Variants in PRDM10 observed in about 807,000 individuals in gnomAD.
PRDM10 encodes PR/SET domain 10.
Under a neutral mutation model 133.1 loss-of-function variants are expected in PRDM10, and 65 were observed. The ratio of observed to expected loss-of-function variants is 0.49; its 90% confidence interval spans 0.40 to 0.60. PRDM10 has a LOEUF of 0.60. Ranked by LOEUF, PRDM10 falls within the 20% of genes least tolerant of loss-of-function variation. The pLI, the probability that PRDM10 is intolerant of heterozygous loss-of-function variation, is 0.00. For synonymous variants in PRDM10, 582 were observed against 580.4 expected, an observed-to-expected ratio of 1.00 and a Z score of -0.04; for missense variants, 1,137 against 1,507.1, an observed-to-expected ratio of 0.75 and a Z score of 4.07.
At position 129,955,444 on chromosome 11, in the gene PRDM10, G is replaced by A. The variant is rs148249427; in HGVS notation, c.294+68C>T. On this transcript the variant is annotated intron_variant, in intron 4 of 20. Transcript: ENST00000360871. ...ATCCAGAGATGGTGCAGTGCAAAGG[G>A]ATGGGGCATTCCAGGCGCAGTGGCA... 2.2e-5 allele frequency: 33 copies of A among 1,470,996 alleles called. No individual in the cohort carries two copies. The East Asian group carries it at 7.3e-4, about 32-fold the overall frequency. The allele number at this position is 1,470,996 out of a possible 1,614,324, so 91.1% of individuals were successfully genotyped here.
intron 18 of PRDM10, 63 bp from the exon 19 acceptor site, chr11:129,910,719 A>C: frequency 4.5e-6 from 6 of 1,332,044 alleles, no homozygotes; most frequent in Non-Finnish European, 6.1e-6. Context: ...AAGACTCACA[A>C]ATAACTGAAG....
chr11:129,957,822 GC>G lies in PRDM10; in HGVS notation c.157del (p.Ala53GlnfsTer35). On this transcript the variant is annotated frameshift_variant, in exon 3 of 21. Transcript: ENST00000360871. LOFTEE classifies it high-confidence loss of function. ...VRPPQQVVYT[A>X]DGASYTSVDG... Reference sequence around the variant, plus strand: ...CACTGATGTGTAGGAGGCACCATCTGCCGTGTACACCACCTGCTGTGGGGGG... The same window carrying G: ...CACTGATGTGTAGGAGGCACCATCTGCGTGTACACCACCTGCTGTGGGGGG... 6.2e-7 allele frequency: 1 copy of G among 1,614,222 alleles called. No individual in the cohort carries two copies. Among genetic ancestry groups the G allele is most frequent in the Non-Finnish European group, 8.5e-7 (1 of 1,180,034 alleles).
chr11:129,977,152 C>T (rs893298063), intron 1 of PRDM10, among the ~76,000 whole-genome samples: 14 of 152,048 alleles, frequency 9.2e-5, no homozygotes, highest in African/African-American at 3.1e-4. Context: ...CAGCCTGAGT[C>T]CCTCCAGCAG....
intron 13 of PRDM10, among the ~76,000 whole-genome samples, chr11:129,921,783 GA>G (rs1305986661): frequency 5.9e-5 from 9 of 152,178 alleles, no homozygotes; most frequent in Non-Finnish European, 1.3e-4. Context: ...TGCTGCTCTA[GA>G]CGGTGTCATG....
In PRDM10 at chr11:129,948,016, C is replaced by G. The variant is rs1263966806; in HGVS notation, c.295-646G>C. 8.8e-6 allele frequency: 4 copies of G among 455,896 alleles called. No individual in the cohort carries two copies. In the Admixed American group the frequency reaches 9.5e-5, roughly 11 times the overall value. The allele number at this position is 455,896 out of a possible 1,614,324, so 28.2% of individuals were successfully genotyped here. A position where few individuals can be genotyped will look rare whatever the true frequency, so the allele number is the denominator to read the frequency against. ...TAACAAAGTTCCATAGCTCACAGCT[C>G]TCCTTTTAAACAGCTCAGGCAGGCT... is the stretch of plus-strand genomic sequence containing the variant. On this transcript the variant is annotated intron_variant, in intron 4 of 20. Transcript: ENST00000360871.
chr11:129,923,929 A>C lies in PRDM10; in HGVS notation c.1879-526T>G, dbSNP rs902739072. Among the ~76,000 whole-genome samples the C allele has an allele frequency of 1.3e-5, 2 of 152,246 alleles. No homozygotes were observed. Among genetic ancestry groups the C allele is most frequent in the African/African-American group, 2.4e-5 (1 of 41,462 alleles). ...AAGAATTAAAGACATGAATGAGTGGATACAGAAGACATTACCGGTTTGTGA... is the reference window on the plus strand; with the variant it reads ...AAGAATTAAAGACATGAATGAGTGGCTACAGAAGACATTACCGGTTTGTGA... On this transcript the variant is annotated intron_variant, in intron 12 of 20. Transcript: ENST00000360871. This position sits in a 1 kb window ranked among gnomAD's most constrained non-coding sequence, Gnocchi z 4.4.
chr11:129,999,202 TAATGCTAGAACAGCG>T (rs999277335), intron 1 of PRDM10, among the ~76,000 whole-genome samples: 1 of 152,174 alleles, frequency 6.6e-6, no homozygotes, highest in Admixed American at 6.5e-5. Context: ...GTGAACAGTT[TAATGCTAGAACAGCG>T]AAGAGATAAG....
At chr11:129,973,357 A>G (rs866222127) in intron 1 of PRDM10, among the ~76,000 whole-genome samples, 8 of 152,356 alleles carry the variant, frequency 5.3e-5, no homozygotes, top group Middle Eastern at 3.4e-3. Context: ...GACCTGCATA[A>G]CTGAGCTAAG....
intron 1 of PRDM10, among the ~76,000 whole-genome samples, chr11:129,968,991 G>A (rs1357845124): frequency 6.6e-6 from 1 of 152,166 alleles, no homozygotes; most frequent in African/African-American, 2.4e-5. Flanking sequence ...TGGGTAGGGT[G>A]TAAATAGCAG....
Position 129,932,237 on chromosome 11 carries a change from G to A in PRDM10, c.1158-6C>T. On this transcript the variant is annotated splice_polypyrimidine_tract_variant and splice_region_variant and intron_variant, in intron 9 of 20. Transcript: ENST00000360871. ...CCCTTCCTCTGCCTCTTGTTCTGGGGACAAGAGATTGGGTTACAGGTCGTC... is the reference window on the plus strand; with the variant it reads ...CCCTTCCTCTGCCTCTTGTTCTGGGAACAAGAGATTGGGTTACAGGTCGTC... The A allele has an allele frequency of 6.2e-7, 1 of 1,613,558 alleles. No individual in the cohort carries two copies. Among genetic ancestry groups the A allele is most frequent in the Non-Finnish European group, 8.5e-7 (1 of 1,179,602 alleles).
chr11:129,972,182 C>G (rs1000002878), intron 1 of PRDM10, among the ~76,000 whole-genome samples: 3 of 152,208 alleles, frequency 2.0e-5, no homozygotes, highest in African/African-American at 7.2e-5. Context: ...CGCGCAGCCC[C>G]GGTTACAGCT....
intron 8 of PRDM10, 141 bp from the exon 9 acceptor site, chr11:129,935,359 G>A: frequency 1.6e-6 from 1 of 613,710 alleles, no homozygotes. Flanking sequence ...TTGCATTACT[G>A]TTCTATCAAA....
intron 1 of PRDM10, among the ~76,000 whole-genome samples, chr11:129,973,865 C>G (rs1937627718): frequency 6.6e-6 from 1 of 152,228 alleles, no homozygotes; most frequent in African/African-American, 2.4e-5. Context: ...ATCCAAAATT[C>G]TAAACATTTT....
At chr11:129,995,435 TC>T (rs977546989) in intron 1 of PRDM10, among the ~76,000 whole-genome samples, 70 of 152,278 alleles carry the variant, frequency 4.6e-4, no homozygotes, top group African/African-American at 1.6e-3. Flanking sequence ...TAAACAAGTG[TC>T]TCAGAGAGGA....
chr11:129,934,220 A>G (rs777843784), intron 9 of PRDM10, among the ~76,000 whole-genome samples: 4 of 152,234 alleles, frequency 2.6e-5, no homozygotes, highest in African/African-American at 9.6e-5. Context: ...AGCTGGAGAA[A>G]ACGCACAGCC....
chr11:129,947,451 G>T lies in PRDM10; in HGVS notation c.295-81C>A, dbSNP rs762575270. 2 of 1,587,654 alleles carry T rather than the reference G, an allele frequency of 1.3e-6. No homozygotes were observed. The highest frequency in any genetic ancestry group is 2.2e-5 in the South Asian group (2 of 88,892). ...GCTGGTGCCTGCTGGCACAAACAGG[G>T]CGCAAGGGCTGGCTGAAATCTAGTC... On this transcript the variant is annotated intron_variant, in intron 4 of 20. Transcript: ENST00000360871. This position sits in a 1 kb window ranked among gnomAD's most constrained non-coding sequence, Gnocchi z 4.6.
At chr11:129,993,914 A>T (rs1938894212) in intron 1 of PRDM10, among the ~76,000 whole-genome samples, 1 of 152,052 alleles carries the variant, frequency 6.6e-6, no homozygotes, top group Non-Finnish European at 1.5e-5. Flanking sequence ...TAATTTTTTT[A>T]AATGTGGGAT....
At position 129,923,448 on chromosome 11, in the gene PRDM10, A is replaced by T. The variant is rs983162382; in HGVS notation, c.1879-45T>A. On this transcript the variant is annotated intron_variant, in intron 12 of 20. Transcript: ENST00000360871. The surrounding 1 kb of genome is among the most constrained non-coding windows in gnomAD (Gnocchi z 4.4). ...GAAAATTCAGGGGACGCAGGCACCA[A>T]ATGAAATGACCAAAGGCAGCTTGTC... The T allele has an allele frequency of 1.9e-6, 3 of 1,567,898 alleles. No individual in the cohort carries two copies. The African/African-American group carries it at 4.1e-5, about 21-fold the overall frequency.
chr11:129,994,565 G>T (rs116824981), intron 1 of PRDM10, among the ~76,000 whole-genome samples: 1,550 of 151,918 alleles, frequency 0.01, 33 homozygotes, highest in African/African-American at 0.035. Context: ...TTGAACCCAG[G>T]AGTTAGAGAC....
Sources: allele counts gnomAD v4.1 joint callset (sites outside exome capture counted in the v4.1 genomes callset), GRCh38; gene constraint gnomAD v4.1.1; non-coding constraint Gnocchi (gnomAD v3.1); transcripts MANE v1.5; gene names NCBI Gene and HGNC (gene_info 2026-07-23, HGNC 2026-07-21).